The following ATRX variants were observed in gnomAD, a reference collection of about 807,000 sequenced individuals.
ATRX encodes the protein chromatin remodeler ATRX.
In ATRX, 12 loss-of-function variants were observed where a neutral mutation model predicts 172.6. The ratio of observed to expected loss-of-function variants is 0.07; its 90% CI spans 0.04 to 0.11. The LOEUF is 0.11. ATRX is among the 10% of genes least tolerant of loss of function. The pLI, the probability that ATRX is intolerant of heterozygous loss-of-function variation, is 1.00. For missense variants in ATRX, 1,368 were observed against 1,767.4 expected (o/e 0.77, Z 4.05); for synonymous variants, 674 against 594.7 (o/e 1.13, Z -1.94).
chrX:77,664,037 G>T (rs1011682177), intron 11 of ATRX, among the ~76,000 whole-genome samples: 20 of 107,829 alleles, frequency 1.9e-4, no homozygotes, highest in Non-Finnish European at 3.5e-4. Flanking sequence ...GGAGGCAGAG[G>T]TTGCAGTGAG....
chrX:77,688,331 T>G (rs1262736274), intron 7 of ATRX, among the ~76,000 whole-genome samples: 2 of 112,184 alleles, frequency 1.8e-5, no homozygotes, highest in Non-Finnish European at 3.8e-5. Flanking sequence ...TAAAAAACAT[T>G]TTTAATTCTA....
At chrX:77,780,556 C>A (rs1204749725) in intron 1 of ATRX, among the ~76,000 whole-genome samples, 3 of 109,260 alleles carry the variant, frequency 2.7e-5, no homozygotes, top group Non-Finnish European at 3.8e-5. Flanking sequence ...TCTTGAACTC[C>A]TGACCTCATG....
chrX:77,574,916 AC>A (rs1481874304), intron 27 of ATRX, among the ~76,000 whole-genome samples: 5 of 109,952 alleles, frequency 4.5e-5, no homozygotes, highest in African/African-American at 1.6e-4. Context: ...GTAAAGGAGT[AC>A]GACTTTATGA....
intron 19 of ATRX, among the ~76,000 whole-genome samples, chrX:77,621,664 A>G (rs2148278969): frequency 8.9e-6 from 1 of 112,278 alleles, no homozygotes; most frequent in Admixed American, 9.4e-5. Context: ...GCTGGTTAAC[A>G]TATACACACA....
At chrX:77,681,382 T>C (rs2071180886) in intron 9 of ATRX, 138 bp downstream of exon 9, 1 of 586,531 alleles carries the variant, frequency 1.7e-6, no homozygotes, top group African/African-American at 2.3e-5. Flanking sequence ...CTTTTTTTAA[T>C]AAACTCCTAA....
chrX:77,551,388 G>T (rs1282411363), intron 30 of ATRX, among the ~76,000 whole-genome samples: 7 of 111,776 alleles, frequency 6.3e-5, no homozygotes, highest in African/African-American at 2.3e-4. Context: ...TTTAATAAAT[G>T]GTGTGCTGGG....
chrX:77,670,036 T>G (rs1202797434), intron 10 of ATRX, among the ~76,000 whole-genome samples: 1 of 111,789 alleles, frequency 8.9e-6, no homozygotes, highest in Non-Finnish European at 1.9e-5. Context: ...TTAAACATAT[T>G]TAATCCAGTA....
chrX:77,678,264 C>T (rs782394797), intron 9 of ATRX, among the ~76,000 whole-genome samples: 57 of 108,595 alleles, frequency 5.2e-4, no homozygotes, highest in East Asian at 2.9e-4. Context: ...GAAGAGATTT[C>T]ATAATATCCC....
At chrX:77,598,474 C>T (rs1204722819) in intron 25 of ATRX, among the ~76,000 whole-genome samples, 1 of 111,297 alleles carries the variant, frequency 9.0e-6, no homozygotes. Flanking sequence ...AATTAATCAC[C>T]AAGTTATTTC....
rs782676912 is a variant in ATRX, at chrX:77,612,979, T to G, written c.5566+3634A>C. 4.5e-5 allele frequency among the ~76,000 whole-genome samples: 5 copies of G among 112,108 alleles called. No individual in the cohort carries two copies. The East Asian group carries it at 1.4e-3, about 31-fold the overall frequency. On this transcript the variant is annotated intron_variant, in intron 22 of 34. Coordinates refer to ENST00000373344, the MANE Select transcript of ATRX (RefSeq NM_000489.6). ...TGAAGTATGTCCATACCACATTTTGTTTATGCATTCATCCATCAATGGACA... is the reference window on the plus strand; with the variant it reads ...TGAAGTATGTCCATACCACATTTTGGTTATGCATTCATCCATCAATGGACA...
intron 1 of ATRX, among the ~76,000 whole-genome samples, chrX:77,756,536 G>A (rs2075502508): frequency 9.0e-6 from 1 of 110,982 alleles, no homozygotes; most frequent in African/African-American, 3.3e-5. Context: ...CATGGGAAAA[G>A]TGTAGTATCT....
chrX:77,677,112 CAA>C (rs781922329), intron 9 of ATRX, among the ~76,000 whole-genome samples: 5 of 84,579 alleles, frequency 5.9e-5, no homozygotes, highest in African/African-American at 4.3e-5. Flanking sequence ...ACAACTCTCT[CAA>C]AAAAAAAAAA....
Position 77,522,396 on chromosome X carries a change from C to G in ATRX, c.6850-8G>C. 3 of 1,208,407 alleles carry G rather than the reference C, an allele frequency of 2.5e-6. No homozygotes were observed. The South Asian group carries it at 5.3e-5, about 21-fold the overall frequency. On this transcript the variant is annotated splice_region_variant and splice_polypyrimidine_tract_variant and intron_variant, in intron 31 of 34. Coordinates refer to ENST00000373344, the MANE Select transcript of ATRX (RefSeq NM_000489.6). ...GAAACGCATGGTCAGTCCCTAAAAA[C>G]AAAAAAATTATGCACTTTTCACATT...
In ATRX at chrX:77,505,202, A is replaced by G. The variant is rs1379701766; in HGVS notation, c.*3149T>C. Reference sequence around the variant, plus strand: ...TCACAACATGCTACTCTCAAAGGAAACAAGGGCTACTGGGACAGAATGTAA... The same window carrying G: ...TCACAACATGCTACTCTCAAAGGAAGCAAGGGCTACTGGGACAGAATGTAA... On this transcript the variant is annotated 3_prime_UTR_variant, in exon 35 of 35. Transcript: ENST00000373344. 3 of 172,481 alleles carry G rather than the reference A, an allele frequency of 1.7e-5. No homozygotes were observed. Among genetic ancestry groups the G allele is most frequent in the African/African-American group, 8.9e-5 (3 of 33,849 alleles). The allele number at this position is 172,481 out of a possible 1,213,427, so 14.2% of individuals were successfully genotyped here.
At chrX:77,646,975 C>T (rs2068953018) in intron 15 of ATRX, among the ~76,000 whole-genome samples, 2 of 107,530 alleles carry the variant, frequency 1.9e-5, no homozygotes, top group Non-Finnish European at 1.9e-5. Flanking sequence ...ACACTCCACT[C>T]AACAATGGTA....
At chrX:77,749,141 T>C (rs998886177) in intron 1 of ATRX, among the ~76,000 whole-genome samples, 1 of 111,117 alleles carries the variant, frequency 9.0e-6, no homozygotes, top group Non-Finnish European at 1.9e-5. Context: ...CTCCAATGTC[T>C]ATTATTCTAC....
chrX:77,684,865 C>A, intron 8 of ATRX, 74 bp downstream of exon 8: 1 of 953,286 alleles, frequency 1.0e-6, no homozygotes, highest in South Asian at 2.0e-5. Context: ...GAAAGACAAA[C>A]CTCATAAATG....
At chrX:77,594,989 C>G (rs2066423154) in intron 25 of ATRX, 1 of 111,535 alleles carries the variant, frequency 9.0e-6, no homozygotes, top group Admixed American at 9.6e-5. Context: ...TAGATTGTTT[C>G]TTGTTTTTGG....
At chrX:77,545,046 GAAATGC>G (rs1219677425) in intron 30 of ATRX, among the ~76,000 whole-genome samples, 1 of 112,179 alleles carries the variant, frequency 8.9e-6, no homozygotes, top group African/African-American at 3.2e-5. Flanking sequence ...GGCCATCAGA[GAAATGC>G]AAATCAAAAC....
Sources: gnomAD v4.1 joint callset for allele counts (sites outside exome capture counted in the v4.1 genomes callset) on GRCh38, gnomAD v4.1.1 for gene constraint, MANE v1.5 for transcripts, NCBI Gene and HGNC (gene_info 2026-07-23, HGNC 2026-07-21) for gene names.